TMEM223: variants seen among roughly 807,000 people sequenced by gnomAD.
The protein encoded by TMEM223 is transmembrane protein 223.
A neutral mutation model predicts 14.1 loss-of-function variants in TMEM223; 14 were observed. The ratio of observed to expected loss-of-function variants is 0.99; its 90% CI spans 0.66 to 1.55. The LOEUF (loss-of-function observed/expected upper bound fraction) is 1.55. Ranked by LOEUF, TMEM223 falls within the 40% of genes most tolerant of loss-of-function variation. TMEM223 has a pLI of 0.00. For missense variants in TMEM223, 346 were observed against 269.9 expected, an observed-to-expected ratio of 1.28 and a Z score of -1.97; for synonymous variants, 145 against 120.5, an observed-to-expected ratio of 1.20 and a Z score of -1.33.
chr11:62,772,510 G>A (rs1346713086), intron 2 of TMEM223, among the ~76,000 whole-genome samples: 2 of 146,766 alleles, frequency 1.4e-5, no homozygotes, highest in South Asian at 2.2e-4. Context: ...GTGACAGAGC[G>A]AGACTGTGTC....
chr11:62,787,864 C>G (rs1053973144), downstream of TMEM223: 2 of 606,470 alleles, frequency 3.3e-6, no homozygotes, highest in South Asian at 3.0e-5. Context: ...TCCGTTAAAT[C>G]AGAAGCCATT....
chr11:62,783,685 C>T (rs1034670546), downstream of TMEM223, among the ~76,000 whole-genome samples: 1 of 151,660 alleles, frequency 6.6e-6, no homozygotes, highest in Non-Finnish European at 1.5e-5. Context: ...CAGGCACGTG[C>T]CACCATGCCC....
At chr11:62,779,979 T>TTC (rs1565188295) in intron 1 of TMEM223, among the ~76,000 whole-genome samples, 5 of 100,810 alleles carry the variant, frequency 5.0e-5, no homozygotes, top group African/African-American at 1.5e-4. Flanking sequence ...TATATATATT[T>TTC]TTTTTTTTTT....
intron 1 of TMEM223, among the ~76,000 whole-genome samples, chr11:62,779,976 A>ATTTTTTTTTTT (rs1277954265): frequency 1.1e-4 from 6 of 52,626 alleles, no homozygotes; most frequent in South Asian, 6.2e-4. Context: ...ATATATATAT[A>ATTTTTTTTTTT]TTTTTTTTTT....
downstream of TMEM223, chr11:62,787,263 G>A (rs760992581): frequency 5.8e-5 from 91 of 1,561,620 alleles, no homozygotes; most frequent in Non-Finnish European, 7.6e-5. Flanking sequence ...GCCGGTGGGC[G>A]CTCTCGGACT....
chr11:62,784,342 A>T (rs2084254195), downstream of TMEM223, among the ~76,000 whole-genome samples: 1 of 123,348 alleles, frequency 8.1e-6, no homozygotes, highest in African/African-American at 3.1e-5. Context: ...TCTCGCTCTG[A>T]CACCCAGGCT....
intron 1 of TMEM223, among the ~76,000 whole-genome samples, chr11:62,777,585 G>A (rs928673966): frequency 1.3e-5 from 2 of 152,220 alleles, no homozygotes; most frequent in African/African-American, 4.8e-5. Context: ...GGCTAAGGGA[G>A]GAGCCTGAGC....
rs963971511 is a variant in TMEM223, at chr11:62,771,685, C to G, written c.*421G>C. ...GGGCTAGGCCGGGTGGGAGGATGCGCGTTGCCGAGGCCCGGCCCGCGGAGG... is the reference window on the plus strand; with the variant it reads ...GGGCTAGGCCGGGTGGGAGGATGCGGGTTGCCGAGGCCCGGCCCGCGGAGG... On this transcript the variant is annotated 3_prime_UTR_variant, in exon 3 of 3. Transcript: ENST00000528367. 2.1e-5 allele frequency: 4 copies of G among 193,566 alleles called. No homozygotes were observed. The South Asian group carries it at 3.0e-4, about 15-fold the overall frequency. The allele number at this position is 193,566 out of a possible 1,614,324, so 12.0% of individuals were successfully genotyped here. A position where few individuals can be genotyped will look rare whatever the true frequency, so the allele number is the denominator to read the frequency against.
downstream of TMEM223, chr11:62,789,031 C>T: frequency 6.2e-7 from 1 of 1,611,548 alleles, no homozygotes; most frequent in Non-Finnish European, 8.5e-7. Flanking sequence ...AGGGCTCCTT[C>T]AGTGGTAGAT....
At chr11:62,778,412 C>A in intron 1 of TMEM223, 2 of 1,544,512 alleles carry the variant, frequency 1.3e-6, no homozygotes, top group Non-Finnish European at 1.8e-6. Flanking sequence ...CTATGTGCCC[C>A]CGAGTCTGCG....
intron 1 of TMEM223, among the ~76,000 whole-genome samples, chr11:62,779,968 A>ATTTTTTTT (rs1341684851): frequency 1.5e-5 from 1 of 66,636 alleles, no homozygotes; most frequent in African/African-American, 4.4e-5. Context: ...ATATATATAT[A>ATTTTTTTT]TATATATATT....
intron 1 of TMEM223, among the ~76,000 whole-genome samples, chr11:62,779,294 A>T (rs1354684380): frequency 6.6e-6 from 1 of 152,112 alleles, no homozygotes; most frequent in South Asian, 2.1e-4. Context: ...TCCTGGGTTC[A>T]TGCCATTCTC....
downstream of TMEM223, chr11:62,787,952 T>A (rs1430696346): frequency 6.2e-6 from 3 of 481,418 alleles, no homozygotes; most frequent in South Asian, 3.1e-5. Context: ...GCACAGTGTG[T>A]TAAATGACAA....
chr11:62,775,102 A>G (rs1382595655), intron 1 of TMEM223, among the ~76,000 whole-genome samples: 1 of 152,000 alleles, frequency 6.6e-6, no homozygotes, highest in Non-Finnish European at 1.5e-5. Context: ...GTAATGTATA[A>G]AGGAAAGAGG....
Position 62,791,966 on chromosome 11 carries a change from G to C in TMEM223, c.29C>G (p.Thr10Arg), listed in dbSNP as rs200223907. The C allele has an allele frequency of 3.2e-6, 5 of 1,565,216 alleles. No individual in the cohort carries two copies. Among genetic ancestry groups the C allele is most frequent in the Non-Finnish European group, 4.3e-6 (5 of 1,153,530 alleles). MAAPWRRWP[T>R]GLLAVLRPLL... ...GGGCCGCAGCACGGCTAGCAGCCCC[G>C]TGGGCCATCGCCTCCAAGGCGCCGC... The change falls in exon 1 of 2, where the codon ACG becomes AGG. Residue 10 changes from threonine (T) to arginine (R), a missense_variant. Coordinates refer to ENST00000307366, the MANE Select transcript of TMEM223 (RefSeq NM_001080501.3).
chr11:62,789,155 T>C (rs201135116), downstream of TMEM223: 6 of 1,614,182 alleles, frequency 3.7e-6, no homozygotes, highest in East Asian at 4.5e-5. Context: ...GGCCCTCTAC[T>C]GCCTCCTGCT....
At chr11:62,789,503 TC>T (rs2084332963), downstream of TMEM223, 1 of 1,601,204 alleles carries the variant, frequency 6.2e-7, no homozygotes, top group Non-Finnish European at 8.5e-7. Context: ...TTTCCTTTTA[TC>T]CCCATCAGTT....
chr11:62,784,432 G>A (rs2084255083), downstream of TMEM223, among the ~76,000 whole-genome samples: 1 of 151,228 alleles, frequency 6.6e-6, no homozygotes, highest in African/African-American at 2.4e-5. Flanking sequence ...AGCCTCCCGA[G>A]AGTAGCTGGG....
rs1009715685 is a variant in TMEM223 at position 62,782,270 on chromosome 11, A to G, written c.315-7605T>C. ...CTGGAGCCACTGGCTGCCTCCATCA[A>G]CCCCCTGAATGACCACTGGACTCTG... On this transcript the variant is annotated intron_variant, in intron 1 of 2. Transcript: ENST00000528367. 26 of 1,613,804 alleles carry G rather than the reference A, an allele frequency of 1.6e-5. No individual in the cohort carries two copies. The highest frequency in any genetic ancestry group is 2.2e-5 in the South Asian group (2 of 91,072).
Sources: gnomAD v4.1 joint callset for allele counts (sites outside exome capture counted in the v4.1 genomes callset) on GRCh38, gnomAD v4.1.1 for gene constraint, MANE v1.5 for transcripts, NCBI Gene and HGNC (gene_info 2026-07-23, HGNC 2026-07-21) for gene names.